The following ADCY3 variants were observed in gnomAD, a reference collection of about 807,000 sequenced individuals.
The protein encoded by ADCY3 is adenylate cyclase 3.
ADCY3 carries 70 observed loss-of-function variants against 119.4 expected under a neutral mutation model. The observed-to-expected ratio is 0.59, with a 90% CI of 0.48 to 0.72. ADCY3 has a LOEUF of 0.72. Ranked by LOEUF, ADCY3 falls within the 30% of genes least tolerant of loss-of-function variation. The pLI, the probability that ADCY3 is intolerant of heterozygous loss-of-function variation, is 0.00. For missense variants in ADCY3, 1,238 were observed against 1,541.6 expected, an observed-to-expected ratio of 0.80 and a Z score of 3.30; for synonymous variants, 672 against 621.4, an observed-to-expected ratio of 1.08 and a Z score of -1.21.
intron 3 of ADCY3, among the ~76,000 whole-genome samples, chr2:24,860,369 G>C (rs1057139506): frequency 6.6e-6 from 1 of 152,232 alleles, no homozygotes; most frequent in Non-Finnish European, 1.5e-5. Flanking sequence ...GCTGGACCAA[G>C]GTCAGCATGC....
At chr2:24,874,375 C>T (rs1675393290) in intron 2 of ADCY3, among the ~76,000 whole-genome samples, 1 of 152,186 alleles carries the variant, frequency 6.6e-6, no homozygotes, top group Non-Finnish European at 1.5e-5. Context: ...GGCAGGACAA[C>T]CCACCCCTGT....
chr2:24,826,868 G>A (rs1185681148), intron 15 of ADCY3, among the ~76,000 whole-genome samples: 1 of 152,152 alleles, frequency 6.6e-6, no homozygotes, highest in Non-Finnish European at 1.5e-5. Flanking sequence ...TAACACGGTT[G>A]TACTAACTCA....
At position 24,919,105 on chromosome 2, in the gene ADCY3, G is replaced by T; in HGVS notation, c.-118C>A. 8.7e-7 allele frequency: 1 copy of T among 1,146,942 alleles called. No individual in the cohort carries two copies. Among genetic ancestry groups the T allele is most frequent in the Non-Finnish European group, 1.2e-6 (1 of 834,900 alleles). The allele number at this position is 1,146,942 out of a possible 1,614,324, so 71.0% of individuals were successfully genotyped here. ...GGGGGAGGGCTGAGGGCCTCTTCTT[G>T]TCTGGGGCGGAGGGGAGGCCACCTC... On this transcript the variant is annotated 5_prime_UTR_variant, in exon 2 of 22. Transcript: ENST00000679454. The surrounding 1 kb of genome is among the most constrained non-coding windows in gnomAD (Gnocchi z 5.5).
At chr2:24,917,456 C>T (rs1664591279) in intron 2 of ADCY3, among the ~76,000 whole-genome samples, 1 of 152,224 alleles carries the variant, frequency 6.6e-6, no homozygotes, top group African/African-American at 2.4e-5. Context: ...CTCTGGTCAC[C>T]GGCTTGCTGG....
chr2:24,840,448 T>TA (rs1406747984), intron 6 of ADCY3: 3 of 397,958 alleles, frequency 7.5e-6, no homozygotes, highest in South Asian at 1.9e-5. Flanking sequence ...GAGAGAATGT[T>TA]AGAGTTCCTG....
intron 2 of ADCY3, among the ~76,000 whole-genome samples, chr2:24,880,805 CAG>C (rs1160220179): frequency 2.6e-5 from 4 of 152,306 alleles, no homozygotes; most frequent in Non-Finnish European, 5.9e-5. Flanking sequence ...CACCTGAGGT[CAG>C]GAGTTCGAGA....
chr2:24,910,336 T>C (rs541179207), intron 2 of ADCY3, among the ~76,000 whole-genome samples: 2 of 152,284 alleles, frequency 1.3e-5, no homozygotes, highest in South Asian at 2.1e-4. Flanking sequence ...CTGGGACTAC[T>C]GGCACATGCT....
chr2:24,821,823 C>T (rs574078445), intron 19 of ADCY3, 183 bp from the exon 20 acceptor site: 10 of 830,822 alleles, frequency 1.2e-5, no homozygotes, highest in African/African-American at 6.9e-5. Flanking sequence ...ACAAAGTTCA[C>T]GTAGCAGGTC....
chr2:24,874,242 C>A (rs1003061999), intron 2 of ADCY3, among the ~76,000 whole-genome samples: 3 of 152,300 alleles, frequency 2.0e-5, no homozygotes, highest in African/African-American at 7.2e-5. Context: ...TGCTGGTCAG[C>A]AAGTCACCGG....
At position 24,839,464 on chromosome 2, in the gene ADCY3, C is replaced by T. The variant is rs1031141622; in HGVS notation, c.1355+409G>A. Reference sequence around the variant, plus strand: ...AGCTCAAGTAAGGCGTGTAATCGCACTGCGACCTGCAAAACGCTGCCTGCG... The same window carrying T: ...AGCTCAAGTAAGGCGTGTAATCGCATTGCGACCTGCAAAACGCTGCCTGCG... On this transcript the variant is annotated intron_variant, in intron 7 of 21. Coordinates refer to ENST00000679454, the MANE Select transcript of ADCY3 (RefSeq NM_004036.5). Among the ~76,000 whole-genome samples the T allele has an allele frequency of 3.6e-4, 55 of 152,324 alleles. 1 individual carries two copies. Among genetic ancestry groups the T allele is most frequent in the African/African-American group, 1.1e-3 (44 of 41,578 alleles).
At chr2:24,837,085 A>C (rs990762460) in intron 8 of ADCY3, 40 bp from the exon 9 acceptor site, 4 of 1,608,916 alleles carry the variant, frequency 2.5e-6, no homozygotes, top group Non-Finnish European at 3.4e-6. Context: ...TGGGCATGGG[A>C]TGAGAGTGGC....
rs540741057 is a variant in ADCY3 at position 24,819,534 on chromosome 2, C to T, written c.*398G>A. On this transcript the variant is annotated 3_prime_UTR_variant, in exon 22 of 22. Transcript: ENST00000679454. ...TTCAAAATGGGAGCCATGTCCTGCC[C>T]CACCAAGCCCTGTCTGAAGTGGAGC... 9.9e-4 allele frequency: 159 copies of T among 160,476 alleles called. 1 individual carries two copies. Among genetic ancestry groups the T allele is most frequent in the African/African-American group, 3.6e-3 (151 of 41,788 alleles). 9.9% of individuals were successfully genotyped at this position (160,476 alleles called of 1,614,324 possible).
chr2:24,914,549 C>G (rs1664203239), intron 2 of ADCY3, among the ~76,000 whole-genome samples: 1 of 152,076 alleles, frequency 6.6e-6, no homozygotes, highest in Admixed American at 6.6e-5. Flanking sequence ...GTGGCGGCCA[C>G]CTGTAATCCC....
At chr2:24,840,375 GAC>G (rs1235314374) in intron 6 of ADCY3, 4 of 414,858 alleles carry the variant, frequency 9.6e-6, no homozygotes, top group African/African-American at 2.0e-5. Context: ...AGGTGCTGCA[GAC>G]ACAGAGGTGA....
intron 13 of ADCY3, among the ~76,000 whole-genome samples, chr2:24,829,447 A>G (rs1221501010): frequency 2.6e-5 from 3 of 115,742 alleles, no homozygotes; most frequent in Non-Finnish European, 5.0e-5. Flanking sequence ...TTTTGAGACA[A>G]AGTCTCACTC....
intron 7 of ADCY3, among the ~76,000 whole-genome samples, chr2:24,839,565 G>A (rs980997641): frequency 1.3e-5 from 2 of 152,188 alleles, no homozygotes; most frequent in Non-Finnish European, 2.9e-5. Flanking sequence ...AGCTGGGGCA[G>A]CCCCCTTAGT....
chr2:24,914,543 C>T (rs903981455), intron 2 of ADCY3, among the ~76,000 whole-genome samples: 4 of 152,018 alleles, frequency 2.6e-5, no homozygotes, highest in Middle Eastern at 3.2e-3. Flanking sequence ...GACGTGGTGG[C>T]GGCCACCTGT....
chr2:24,881,517 G>C (rs1009577516), intron 2 of ADCY3, among the ~76,000 whole-genome samples: 1 of 152,336 alleles, frequency 6.6e-6, no homozygotes, highest in South Asian at 2.1e-4. Flanking sequence ...TACAGCATGA[G>C]GCACAGCCTT....
chr2:24,829,937 T>C (rs887081770), intron 13 of ADCY3, among the ~76,000 whole-genome samples: 11 of 151,454 alleles, frequency 7.3e-5, no homozygotes, highest in Non-Finnish European at 1.6e-4. Flanking sequence ...AAGAAAGCAT[T>C]TGGCTGCCCC....
Sources: allele counts gnomAD v4.1 joint callset (sites outside exome capture counted in the v4.1 genomes callset), GRCh38; gene constraint gnomAD v4.1.1; non-coding constraint Gnocchi (gnomAD v3.1); transcripts MANE v1.5; gene names NCBI Gene and HGNC (gene_info 2026-07-23, HGNC 2026-07-21).